Variants in MAGEC3 observed in about 807,000 individuals in gnomAD.
The protein encoded by MAGEC3 is MAGE family member C3, also known as melanoma-associated antigen C3.
In MAGEC3, 34 loss-of-function variants were observed where a neutral mutation model predicts 35.3. That is an observed-to-expected ratio of 0.96 (90% CI 0.73 to 1.28). The LOEUF is 1.28. Among genes scored for constraint, MAGEC3 ranks in the 50% most tolerant of loss-of-function variants. The probability of loss-of-function intolerance (pLI) is 0.00; values close to 1 mark genes in which losing one functional copy is unlikely to be tolerated. For missense variants in MAGEC3, 561 were observed against 483.6 expected, an observed-to-expected ratio of 1.16 and a Z score of -1.50; for synonymous variants, 202 against 185.6, an observed-to-expected ratio of 1.09 and a Z score of -0.72.
intron 2 of MAGEC3, among the ~76,000 whole-genome samples, chrX:141,872,449 CCT>C (rs2017894330): frequency 9.0e-6 from 1 of 111,018 alleles, no homozygotes; most frequent in African/African-American, 3.3e-5. Context: ...GACCCAGAAT[CCT>C]CTTTCTGAAA....
chrX:141,877,189 G>A (rs1253848574), intron 2 of MAGEC3, among the ~76,000 whole-genome samples: 1 of 111,299 alleles, frequency 9.0e-6, no homozygotes, highest in Non-Finnish European at 1.9e-5. Flanking sequence ...TTTATGTTCA[G>A]GTAGGTCTTT....
At chrX:141,884,383 C>T (rs1198044523) in intron 4 of MAGEC3, among the ~76,000 whole-genome samples, 2 of 111,862 alleles carry the variant, frequency 1.8e-5, no homozygotes, top group East Asian at 2.8e-4. Context: ...CATTGGGACT[C>T]GGACTGGCTT....
intron 1 of MAGEC3, among the ~76,000 whole-genome samples, chrX:141,841,516 C>CA (rs1226336788): frequency 9.0e-6 from 1 of 111,567 alleles, no homozygotes; most frequent in Non-Finnish European, 1.9e-5. Flanking sequence ...ACCTAAAAGT[C>CA]AAAAAATAAG....
chrX:141,895,491 C>G lies in MAGEC3; in HGVS notation c.1055C>G (p.Ala352Gly), dbSNP rs1441121273. Residue 352 changes from alanine to glycine, a missense_variant, in exon 6 of 8, where the codon GCA becomes GGA. Coordinates refer to ENST00000298296, the MANE Select transcript of MAGEC3 (RefSeq NM_138702.1). ...CTGCCCTGCGCTGCCATAGGACTTG[C>G]AGGCCACAGACAGGAAGATGGCCGC... ...VLDLANPQGLAGHRQEDGRRG... is the reference protein window; with the variant it reads ...VLDLANPQGLGGHRQEDGRRG... 1 of 1,210,921 alleles carries G rather than the reference C, an allele frequency of 8.3e-7. No individual in the cohort carries two copies. Among genetic ancestry groups the G allele is most frequent in the African/African-American group, 1.7e-5 (1 of 57,609 alleles).
chrX:141,896,811 C>G (rs1449152413), intron 6 of MAGEC3, 71 bp from the exon 7 acceptor site: 2 of 1,203,150 alleles, frequency 1.7e-6, no homozygotes, highest in Non-Finnish European at 2.2e-6. Flanking sequence ...TATTCCCCTC[C>G]TCCTCTTCCT....
intron 2 of MAGEC3, among the ~76,000 whole-genome samples, chrX:141,876,001 G>A (rs1442260956): frequency 2.7e-5 from 3 of 112,262 alleles, no homozygotes; most frequent in Non-Finnish European, 1.9e-5. Flanking sequence ...AACCCTCAGG[G>A]AAGTCTCTGG....
At chrX:141,894,802 T>A in intron 4 of MAGEC3, 1 of 945,683 alleles carries the variant, frequency 1.1e-6, no homozygotes, top group South Asian at 2.1e-5. Flanking sequence ...GATGGAGAGG[T>A]GAAAACGGAG....
intron 2 of MAGEC3, among the ~76,000 whole-genome samples, chrX:141,871,588 G>A (rs1203090500): frequency 9.0e-6 from 1 of 111,551 alleles, no homozygotes; most frequent in Non-Finnish European, 1.9e-5. Context: ...TAATTAAGCT[G>A]AGCACTCTTT....
intron 2 of MAGEC3, among the ~76,000 whole-genome samples, chrX:141,867,175 A>G (rs934101610): frequency 7.2e-5 from 8 of 111,862 alleles, no homozygotes; most frequent in African/African-American, 2.6e-4. Flanking sequence ...AACCAATGCC[A>G]TACTTTCTTT....
intron 1 of MAGEC3, among the ~76,000 whole-genome samples, chrX:141,859,588 A>G (rs185839295): frequency 9.0e-6 from 1 of 111,607 alleles, no homozygotes; most frequent in East Asian, 2.8e-4. Flanking sequence ...GCATAGCACC[A>G]TTTATCTCAT....
intron 1 of MAGEC3, among the ~76,000 whole-genome samples, 175 bp from the exon 2 acceptor site, chrX:141,865,296 A>G (rs888589696): frequency 9.0e-6 from 1 of 111,160 alleles, no homozygotes; most frequent in African/African-American, 3.3e-5. Flanking sequence ...ATTCCAAGTC[A>G]TAAGATTTAC....
At chrX:141,860,405 TAAAC>T (rs1203890236) in intron 1 of MAGEC3, among the ~76,000 whole-genome samples, 1 of 112,266 alleles carries the variant, frequency 8.9e-6, no homozygotes, top group Non-Finnish European at 1.9e-5. Context: ...CACAAAAAAT[TAAAC>T]ATAAAATTGC....
chrX:141,868,172 G>A (rs191901342), intron 2 of MAGEC3, among the ~76,000 whole-genome samples: 107 of 111,114 alleles, frequency 9.6e-4, no homozygotes, highest in African/African-American at 3.4e-3. Context: ...GGTGAGGTAG[G>A]GGTGAGATTG....
At chrX:141,863,160 A>G (rs1462583013) in intron 1 of MAGEC3, among the ~76,000 whole-genome samples, 1 of 112,047 alleles carries the variant, frequency 8.9e-6, no homozygotes, top group Non-Finnish European at 1.9e-5. Flanking sequence ...TTTCACTACT[A>G]CCTTATCTAT....
intron 1 of MAGEC3, among the ~76,000 whole-genome samples, chrX:141,850,740 G>A (rs1033636883): frequency 2.7e-5 from 3 of 111,359 alleles, no homozygotes; most frequent in African/African-American, 9.8e-5. Context: ...ACAAATCACC[G>A]AAGCCAGTGC....
chrX:141,860,318 T>G (rs1569472628), intron 1 of MAGEC3, among the ~76,000 whole-genome samples: 1 of 111,799 alleles, frequency 8.9e-6, no homozygotes, highest in Non-Finnish European at 1.9e-5. Flanking sequence ...TCCCTCTTGA[T>G]TCGAATAAAT....
chrX:141,838,454 A>G lies in MAGEC3; in HGVS notation c.123+16A>G. The G allele has an allele frequency of 8.3e-7, 1 of 1,202,907 alleles. No individual in the cohort carries two copies. Among genetic ancestry groups the G allele is most frequent in the South Asian group, 1.8e-5 (1 of 55,677 alleles). On this transcript the variant is annotated intron_variant, in intron 1 of 7. Coordinates refer to ENST00000298296, the MANE Select transcript of MAGEC3 (RefSeq NM_138702.1). ...TCAGCCCCAGGTGTGGTAGCCCATG[A>G]ATGCTCATGTCTAAGCCCCAGGTTA...
At chrX:141,893,234 A>G (rs2018056069) in intron 4 of MAGEC3, among the ~76,000 whole-genome samples, 1 of 112,048 alleles carries the variant, frequency 8.9e-6, no homozygotes, top group Non-Finnish European at 1.9e-5. Flanking sequence ...GCTTTCAGTC[A>G]TTGTTAGTAG....
intron 3 of MAGEC3, chrX:141,880,749 C>A: frequency 2.3e-6 from 2 of 867,035 alleles, no homozygotes; most frequent in Non-Finnish European, 3.3e-6. Context: ...TTCTCACATC[C>A]TCCTACAGGT....
Sources: gnomAD v4.1 joint callset for allele counts (sites outside exome capture counted in the v4.1 genomes callset) on GRCh38, gnomAD v4.1.1 for gene constraint, MANE v1.5 for transcripts, NCBI Gene and HGNC (gene_info 2026-07-23, HGNC 2026-07-21) for gene names.